Variants in ZNF618 observed in about 807,000 individuals in gnomAD.
The protein encoded by ZNF618 is neural precursor cell expressed, developmentally down-regulated 10.
A neutral mutation model predicts 103.0 loss-of-function variants in ZNF618; 34 were observed. That is an observed-to-expected ratio of 0.33 (90% CI 0.25 to 0.44). ZNF618 has a LOEUF of 0.44. ZNF618 is among the 20% of genes least tolerant of loss of function. ZNF618 has a pLI of 1.00. For missense variants in ZNF618, 1,059 were observed against 1,295.4 expected, an observed-to-expected ratio of 0.82 and a Z score of 2.80; for synonymous variants, 551 against 542.2, an observed-to-expected ratio of 1.02 and a Z score of -0.23.
At chr9:113,935,591 T>C (rs902945813) in intron 1 of ZNF618, among the ~76,000 whole-genome samples, 25 of 152,202 alleles carry the variant, frequency 1.6e-4, no homozygotes, top group Non-Finnish European at 7.3e-5. Flanking sequence ...AATTTGTTCC[T>C]CCTGCTGGCT....
At chr9:113,922,977 T>C (rs950475226) in intron 1 of ZNF618, among the ~76,000 whole-genome samples, 1 of 152,248 alleles carries the variant, frequency 6.6e-6, no homozygotes, top group African/African-American at 2.4e-5. Flanking sequence ...TTGATTTTTT[T>C]CATCAGAGTT....
At chr9:113,960,418 C>T (rs1209421211) in intron 1 of ZNF618, among the ~76,000 whole-genome samples, 4 of 152,148 alleles carry the variant, frequency 2.6e-5, no homozygotes, top group Non-Finnish European at 5.9e-5. Context: ...TCAAAGACAA[C>T]GATGATGATG....
intron 1 of ZNF618, among the ~76,000 whole-genome samples, chr9:113,963,007 CTTATT>C (rs1241246606): frequency 1.3e-5 from 2 of 152,178 alleles, no homozygotes; most frequent in Non-Finnish European, 2.9e-5. Context: ...GTGAATTTTC[CTTATT>C]TGAGTCTTGT....
intron 11 of ZNF618, among the ~76,000 whole-genome samples, chr9:114,031,266 G>C (rs1364607655): frequency 6.6e-6 from 1 of 152,140 alleles, no homozygotes; most frequent in Non-Finnish European, 1.5e-5. Flanking sequence ...CGAGAACAGA[G>C]GGGCCTTCTG....
intron 2 of ZNF618, among the ~76,000 whole-genome samples, chr9:113,981,946 A>T (rs986511720): frequency 6.6e-6 from 1 of 152,146 alleles, no homozygotes; most frequent in Non-Finnish European, 1.5e-5. Context: ...GCTCTTGTCA[A>T]TGCCAAGCAT....
intron 1 of ZNF618, among the ~76,000 whole-genome samples, chr9:113,879,005 C>CT (rs879800251): frequency 7.3e-4 from 104 of 142,300 alleles, no homozygotes; most frequent in African/African-American, 1.7e-3. Context: ...TTGGAATGAG[C>CT]TTTTTTTTTT....
At chr9:114,041,991 C>T (rs756430141) in intron 13 of ZNF618, among the ~76,000 whole-genome samples, 4 of 152,138 alleles carry the variant, frequency 2.6e-5, no homozygotes, top group Non-Finnish European at 4.4e-5. Context: ...TGTTTGTATC[C>T]TCTTTTATTT....
chr9:113,884,625 C>A (rs1281093725), intron 1 of ZNF618, among the ~76,000 whole-genome samples: 2 of 152,118 alleles, frequency 1.3e-5, no homozygotes, highest in African/African-American at 4.8e-5. Flanking sequence ...GGCCAGCGGC[C>A]TCAGAGTCCT....
chr9:113,953,850 C>T lies in ZNF618; in HGVS notation c.34-15267C>T, dbSNP rs868481103. On this transcript the variant is annotated intron_variant, in intron 1 of 14. Transcript: ENST00000374126. The stretch of plus-strand genomic sequence containing the variant: ...GCCCCTGCCTGGGAAAGATGGATGT[C>T]CAGCTGTGAAGACAGGTAATAAAAA... Among the ~76,000 whole-genome samples, 92 of 149,488 alleles carry T rather than the reference C, an allele frequency of 6.2e-4. 1 individual carries two copies. Among genetic ancestry groups the T allele is most frequent in the African/African-American group, 2.2e-3 (88 of 40,534 alleles).
At chr9:113,976,614 G>A (rs1838494311) in intron 2 of ZNF618, among the ~76,000 whole-genome samples, 1 of 152,148 alleles carries the variant, frequency 6.6e-6, no homozygotes, top group African/African-American at 2.4e-5. Flanking sequence ...TGGCTGTCCT[G>A]CAGTGGACTT....
Position 114,055,275 on chromosome 9 carries a change from GC to G in ZNF618, c.*5110del, listed in dbSNP as rs1371638333. 6.6e-6 allele frequency: 1 copy of G among 152,328 alleles called. No homozygotes were observed. The highest frequency in any genetic ancestry group is 1.5e-5 in the Non-Finnish European group (1 of 68,034). The allele number at this position is 152,328 out of a possible 1,614,324, so 9.4% of individuals were successfully genotyped here. ...CGCCTAGGACCTTCCCTCCCGCCCA[GC>G]CAGGGTGGGCGGCATCCTACGCGGT... is the stretch of plus-strand genomic sequence containing the variant. On this transcript the variant is annotated 3_prime_UTR_variant, in exon 15 of 15. Transcript: ENST00000374126.
intron 1 of ZNF618, among the ~76,000 whole-genome samples, chr9:113,924,309 G>A (rs1190048716): frequency 1.3e-5 from 2 of 151,772 alleles, no homozygotes; most frequent in Non-Finnish European, 2.9e-5. Context: ...TGGGCAAGGA[G>A]TTGTATATAA....
intron 13 of ZNF618, among the ~76,000 whole-genome samples, chr9:114,047,562 T>C (rs1845763079): frequency 6.6e-6 from 1 of 152,160 alleles, no homozygotes; most frequent in Admixed American, 6.5e-5. Flanking sequence ...GGAGTAGGTG[T>C]GGGGTTCCCA....
intron 12 of ZNF618, among the ~76,000 whole-genome samples, chr9:114,033,411 G>GAGAA (rs1429813307): frequency 6.6e-6 from 1 of 151,798 alleles, no homozygotes; most frequent in Non-Finnish European, 1.5e-5. Flanking sequence ...GAGAGAGAGA[G>GAGAA]AGAGAGAGAG....
rs933839625 is a variant in ZNF618, at chr9:114,013,576, G to A, written c.755-3119G>A. 5.9e-5 allele frequency among the ~76,000 whole-genome samples: 9 copies of A among 152,138 alleles called. No homozygotes were observed. In the South Asian group the frequency reaches 6.3e-4, roughly 11 times the overall value. ...CTCCCAAGTAGCTGGGACTACAGGC[G>A]CCCGCCACCACGCCTGGCTAATTTT... On this transcript the variant is annotated intron_variant, in intron 9 of 14. Coordinates refer to ENST00000374126, the MANE Select transcript of ZNF618 (RefSeq NM_001318042.2).
intron 13 of ZNF618, among the ~76,000 whole-genome samples, chr9:114,044,529 T>G (rs1845493884): frequency 6.6e-6 from 1 of 152,172 alleles, no homozygotes. Flanking sequence ...TGCAAGCTCT[T>G]TTTTGGTACC....
intron 1 of ZNF618, among the ~76,000 whole-genome samples, chr9:113,880,085 C>T (rs1185054126): frequency 6.6e-6 from 1 of 152,114 alleles, no homozygotes; most frequent in Non-Finnish European, 1.5e-5. Context: ...TGACTCAGCT[C>T]TTGGCATGCT....
intron 1 of ZNF618, among the ~76,000 whole-genome samples, chr9:113,932,216 A>G (rs577310580): frequency 2.0e-5 from 3 of 152,336 alleles, no homozygotes; most frequent in African/African-American, 4.8e-5. Flanking sequence ...AGAGGCGTGC[A>G]TGAAATGAGG....
At chr9:113,898,009 T>G (rs1240887970) in intron 1 of ZNF618, among the ~76,000 whole-genome samples, 1 of 152,196 alleles carries the variant, frequency 6.6e-6, no homozygotes, top group Non-Finnish European at 1.5e-5. Context: ...GGCAGGCTGG[T>G]CTTGAACTCC....
Sources: gnomAD v4.1 joint callset for allele counts (sites outside exome capture counted in the v4.1 genomes callset) on GRCh38, gnomAD v4.1.1 for gene constraint, MANE v1.5 for transcripts, NCBI Gene and HGNC (gene_info 2026-07-23, HGNC 2026-07-21) for gene names.